Variants in CA10 observed in about 807,000 individuals in gnomAD.
CA10 encodes carbonic anhydrase 10 (inactive), also known as carbonic anhydrase-related protein 10.
Under a neutral mutation model 44.2 loss-of-function variants are expected in CA10, and 14 were observed. The observed-to-expected ratio is 0.32, with a 90% CI of 0.21 to 0.50. The LOEUF (loss-of-function observed/expected upper bound fraction) is 0.50. Among genes scored for constraint, CA10 ranks in the 20% least tolerant of loss-of-function variants. The probability of loss-of-function intolerance (pLI) is 0.99; values close to 1 mark genes in which losing one functional copy is unlikely to be tolerated. For missense variants in CA10, 350 were observed against 409.7 expected (o/e 0.85, Z 1.26); for synonymous variants, 159 against 141.6 (o/e 1.12, Z -0.87).
At chr17:51,845,250 A>G (rs1260161559) in intron 3 of CA10, among the ~76,000 whole-genome samples, 3 of 152,216 alleles carry the variant, frequency 2.0e-5, no homozygotes, top group Non-Finnish European at 4.4e-5. Flanking sequence ...ACATCAGCAC[A>G]GGAGATCACT....
chr17:51,765,497 C>G (rs1439867728), intron 3 of CA10, among the ~76,000 whole-genome samples: 1 of 152,200 alleles, frequency 6.6e-6, no homozygotes, highest in African/African-American at 2.4e-5. Context: ...AGGCGTGGAG[C>G]TGTACTTACT....
chr17:51,663,220 G>A (rs75747863), intron 4 of CA10, among the ~76,000 whole-genome samples: 149,588 of 149,590 alleles, frequency 1, 74,793 homozygotes, highest in Non-Finnish European at 1. Flanking sequence ...CCGGAACTTG[G>A]AATGCGTTTC....
intron 3 of CA10, among the ~76,000 whole-genome samples, chr17:51,851,072 C>A (rs908116239): frequency 3.3e-5 from 5 of 152,188 alleles, no homozygotes; most frequent in Non-Finnish European, 7.3e-5. Context: ...AGCAAAGCTG[C>A]CTAGCATGGA....
intron 4 of CA10, among the ~76,000 whole-genome samples, chr17:51,700,512 G>A (rs1915559209): frequency 6.6e-6 from 1 of 152,074 alleles, no homozygotes; most frequent in Non-Finnish European, 1.5e-5. Context: ...GGCCTCCACG[G>A]CACCTGCTTC....
chr17:52,149,486 T>C (rs900513388), intron 1 of CA10, among the ~76,000 whole-genome samples: 2 of 152,156 alleles, frequency 1.3e-5, no homozygotes, highest in Non-Finnish European at 2.9e-5. Context: ...AATTGTGGCT[T>C]TGTTATAAAA....
intron 3 of CA10, among the ~76,000 whole-genome samples, chr17:51,753,036 AT>A (rs1292700535): frequency 6.6e-6 from 1 of 152,180 alleles, no homozygotes; most frequent in Non-Finnish European, 1.5e-5. Context: ...AAAAAGTGGG[AT>A]CTTTTTCAGG....
intron 3 of CA10, among the ~76,000 whole-genome samples, chr17:51,872,004 G>A (rs747339689): frequency 1.1e-4 from 17 of 152,192 alleles, no homozygotes; most frequent in Non-Finnish European, 2.4e-4. Context: ...GGGTCCCAGT[G>A]TCCTGTACAA....
chr17:51,830,946 AAAGT>A (rs1442608513), intron 3 of CA10, among the ~76,000 whole-genome samples: 1 of 152,000 alleles, frequency 6.6e-6, no homozygotes. Context: ...TTTGCCATTG[AAAGT>A]AATGGCAAAA....
chr17:51,885,065 G>A (rs904260740), intron 3 of CA10, among the ~76,000 whole-genome samples: 1 of 152,178 alleles, frequency 6.6e-6, no homozygotes, highest in Non-Finnish European at 1.5e-5. Flanking sequence ...AAGTATCAGG[G>A]ATTAGGGGTT....
intron 5 of CA10, among the ~76,000 whole-genome samples, chr17:51,652,181 C>T (rs1290469225): frequency 2.6e-5 from 4 of 152,230 alleles, no homozygotes; most frequent in South Asian, 2.1e-4. Flanking sequence ...CTGTTATAAG[C>T]GACATGAACT....
intron 3 of CA10, among the ~76,000 whole-genome samples, chr17:51,773,823 G>C (rs1479526198): frequency 6.6e-6 from 1 of 152,106 alleles, no homozygotes; most frequent in Non-Finnish European, 1.5e-5. Flanking sequence ...CCTGCTTTCA[G>C]AACTCTCAGA....
intron 4 of CA10, among the ~76,000 whole-genome samples, chr17:51,700,620 A>G (rs533914320): frequency 7.5e-4 from 114 of 152,128 alleles, no homozygotes; most frequent in African/African-American, 2.6e-3. Context: ...GCCTGTCCCA[A>G]TGACTGTATG....
chr17:52,112,529 T>A (rs1416002408), intron 1 of CA10, among the ~76,000 whole-genome samples: 7 of 152,240 alleles, frequency 4.6e-5, no homozygotes, highest in African/African-American at 1.7e-4. Flanking sequence ...GTTTGCTGAC[T>A]CTTGCTCTAC....
intron 2 of CA10, among the ~76,000 whole-genome samples, chr17:51,939,206 A>G (rs1039029203): frequency 6.6e-6 from 1 of 152,110 alleles, no homozygotes; most frequent in African/African-American, 2.4e-5. Context: ...TATGCCATGG[A>G]TGTCCCTCCA....
intron 4 of CA10, among the ~76,000 whole-genome samples, chr17:51,704,164 T>G (rs1224219264): frequency 6.6e-6 from 1 of 152,216 alleles, no homozygotes; most frequent in African/African-American, 2.4e-5. Context: ...AATGCATGCA[T>G]GCATCTATCA....
rs569647441 is a variant in CA10 at position 51,644,398 on chromosome 17, A to G, written c.634+4784T>C. 1.5e-4 allele frequency among the ~76,000 whole-genome samples: 23 copies of G among 152,266 alleles called. 3 individuals are homozygous for G. The South Asian group carries it at 4.8e-3, about 32-fold the overall frequency. On this transcript the variant is annotated intron_variant, in intron 6 of 8. Transcript: ENST00000451037. The stretch of plus-strand genomic sequence containing the variant: ...AGTGATTTTCAATCCTAAGTCATGG[A>G]GATTTGAGTTGCTCTTTCAAAAGTG...
chr17:51,633,411 A>T, intron 8 of CA10, 65 bp downstream of exon 8: 1 of 1,436,126 alleles, frequency 7.0e-7, no homozygotes, highest in Admixed American at 2.1e-5. Flanking sequence ...GCCTTTAAGA[A>T]CAGGTCTAAG....
At chr17:51,940,431 G>T (rs1331948610) in intron 2 of CA10, among the ~76,000 whole-genome samples, 1 of 152,052 alleles carries the variant, frequency 6.6e-6, no homozygotes, top group Non-Finnish European at 1.5e-5. Context: ...GAACCCTTAA[G>T]CTGTTGGACC....
chr17:51,633,716 CCA>C, intron 7 of CA10, 66 bp from the exon 8 acceptor site: 2 of 1,546,826 alleles, frequency 1.3e-6, no homozygotes, highest in Non-Finnish European at 1.8e-6. Flanking sequence ...AGAAATAAGA[CCA>C]CAGAGACTCT....
Sources: gnomAD v4.1 joint callset for allele counts (sites outside exome capture counted in the v4.1 genomes callset) on GRCh38, gnomAD v4.1.1 for gene constraint, MANE v1.5 for transcripts, NCBI Gene and HGNC (gene_info 2026-07-23, HGNC 2026-07-21) for gene names.